ZSWIM7: variants seen among roughly 807,000 people sequenced by gnomAD.
The protein encoded by ZSWIM7 is zinc finger SWIM domain-containing protein 7.
In ZSWIM7, 22 loss-of-function variants were observed where a neutral mutation model predicts 21.1. The observed-to-expected ratio is 1.04, with a 90% confidence interval of 0.74 to 1.49. The LOEUF (loss-of-function observed/expected upper bound fraction) is 1.49, where lower values mean the gene tolerates loss of function less well. Ranked by LOEUF, ZSWIM7 falls within the 40% of genes most tolerant of loss-of-function variation. The pLI is 0.00. For synonymous variants in ZSWIM7, 67 were observed against 66.5 expected, an observed-to-expected ratio of 1.01 and a Z score of -0.04; for missense variants, 193 against 168.0, an observed-to-expected ratio of 1.15 and a Z score of -0.82.
intron 1 of ZSWIM7, among the ~76,000 whole-genome samples, chr17:15,998,402 A>C (rs1970593924): frequency 6.6e-6 from 1 of 152,246 alleles, no homozygotes; most frequent in Admixed American, 6.5e-5. Context: ...CCTTAAAAAC[A>C]GTAACTCAAG....
intron 4 of ZSWIM7, among the ~76,000 whole-genome samples, chr17:15,978,436 A>G (rs1970305749): frequency 6.6e-6 from 1 of 152,132 alleles, no homozygotes; most frequent in South Asian, 2.1e-4. Context: ...TGTCTCCACT[A>G]AAAATACAAA....
Position 15,987,265 on chromosome 17 carries a change from C to CCTGGTAAACACGCCTTCCA in ZSWIM7, c.183_201dup (p.Val68TrpfsTer13), listed in dbSNP as rs748113211. On this transcript the variant is annotated frameshift_variant and splice_region_variant. Coordinates refer to ENST00000399277, the MANE Select transcript of ZSWIM7 (RefSeq NM_001042697.2). LOFTEE classifies it high-confidence loss of function. ...GATCACCCCCATCTCTAGACTTCTACCTGGTAAACACGCCTTCCACTGGGT... is the reference window on the plus strand; with the variant it reads ...GATCACCCCCATCTCTAGACTTCTACCTGGTAAACACGCCTTCCACTGGTAAACACGCCTTCCACTGGGT... The CCTGGTAAACACGCCTTCCA allele has an allele frequency of 6.2e-7, 1 of 1,611,394 alleles. No individual in the cohort carries two copies. Among genetic ancestry groups the CCTGGTAAACACGCCTTCCA allele is most frequent in the Non-Finnish European group, 8.5e-7 (1 of 1,178,870 alleles).
rs376248219 is a variant in ZSWIM7 at position 15,977,708 on chromosome 17, G to C, written c.*339C>G. 1 of 153,250 alleles carries C rather than the reference G, an allele frequency of 6.5e-6. No individual in the cohort carries two copies. Among genetic ancestry groups the C allele is most frequent in the African/African-American group, 2.5e-5 (1 of 39,994 alleles). 9.5% of individuals were successfully genotyped at this position (153,250 alleles called of 1,614,324 possible). On this transcript the variant is annotated 3_prime_UTR_variant, in exon 5 of 5. Coordinates refer to ENST00000399277, the MANE Select transcript of ZSWIM7 (RefSeq NM_001042697.2). ...GACAAAGTGAGACTCCATCTCAAAA[G>C]AAAAAAAAAAAGACTAAATAATGTG... is the stretch of plus-strand genomic sequence containing the variant.
intron 2 of ZSWIM7, among the ~76,000 whole-genome samples, chr17:15,992,262 G>A (rs193114856): frequency 2.0e-5 from 3 of 152,200 alleles, no homozygotes; most frequent in Admixed American, 6.5e-5. Context: ...CAGTAATTAA[G>A]TATTACTTAT....
Position 15,981,064 on chromosome 17 carries a change from C to T in ZSWIM7, c.282G>A (p.Val94=). 1 of 1,613,790 alleles carries T rather than the reference C, an allele frequency of 6.2e-7. No homozygotes were observed. ...YCSCPAFAFS[V]LRKSDSILCK... is the part of the protein sequence containing the mutation. ...CCAGGATGCTGTCACTCTTCCGTAGCACTGAGAATGCAAATGCAGGACATG... is the reference window on the plus strand; with the variant it reads ...CCAGGATGCTGTCACTCTTCCGTAGTACTGAGAATGCAAATGCAGGACATG... Residue 94 remains valine, a synonymous_variant, in exon 4 of 5, where the codon GTG becomes GTA. Transcript: ENST00000399277.
chr17:15,986,394 T>C (rs1386490004), intron 3 of ZSWIM7, among the ~76,000 whole-genome samples: 16 of 152,198 alleles, frequency 1.1e-4, no homozygotes, highest in Admixed American at 9.8e-4. Context: ...AGTGAAACTA[T>C]GCTAAGTGAA....
At chr17:15,994,243 G>A (rs1197104925) in intron 1 of ZSWIM7, among the ~76,000 whole-genome samples, 3 of 152,200 alleles carry the variant, frequency 2.0e-5, no homozygotes, top group Non-Finnish European at 2.9e-5. Flanking sequence ...ATGAGCCACC[G>A]TGCCCGGCCA....
chr17:15,998,358 A>T (rs140875980), intron 1 of ZSWIM7, among the ~76,000 whole-genome samples: 211 of 152,308 alleles, frequency 1.4e-3, no homozygotes, highest in African/African-American at 4.8e-3. Context: ...TTTGACTGAG[A>T]TGAGGAAACA....
chr17:15,984,405 T>A (rs894460633), intron 3 of ZSWIM7, among the ~76,000 whole-genome samples: 4 of 152,196 alleles, frequency 2.6e-5, no homozygotes, highest in African/African-American at 9.7e-5. Flanking sequence ...GGAATGTTTA[T>A]CCCCAGAAGG....
intron 4 of ZSWIM7, among the ~76,000 whole-genome samples, chr17:15,979,315 AG>A (rs1421876960): frequency 6.6e-6 from 1 of 152,072 alleles, no homozygotes; most frequent in East Asian, 1.9e-4. Context: ...GTAAGGTCAC[AG>A]ATCAACAGGA....
intron 3 of ZSWIM7, 68 bp from the exon 4 acceptor site, chr17:15,981,212 T>C (rs1300220140): frequency 3.4e-6 from 4 of 1,170,600 alleles, no homozygotes; most frequent in South Asian, 2.7e-5. Context: ...TCCCTTTTTA[T>C]TTATGTAGAC....
intron 4 of ZSWIM7, among the ~76,000 whole-genome samples, chr17:15,979,425 T>A (rs1970319200): frequency 6.6e-6 from 1 of 152,234 alleles, no homozygotes; most frequent in Admixed American, 6.5e-5. Context: ...AATTTCTCAA[T>A]CTTTTCCCTA....
Position 15,995,115 on chromosome 17 carries a change from TAAG to T in ZSWIM7, c.77-1340_77-1338del, listed in dbSNP as rs200044299. ...GCACAAAAACAGGCAGAAGGCATAATAAGAAGAAAAAGGGAATCTTCTGAAAAA... is the reference window on the plus strand; with the variant it reads ...GCACAAAAACAGGCAGAAGGCATAATAAGAAAAAGGGAATCTTCTGAAAAA... On this transcript the variant is annotated intron_variant, in intron 1 of 4. Coordinates refer to ENST00000399277, the MANE Select transcript of ZSWIM7 (RefSeq NM_001042697.2). 9.3e-3 allele frequency among the ~76,000 whole-genome samples: 1,421 copies of T among 152,142 alleles called. 27 individuals are homozygous for T. Among genetic ancestry groups the T allele is most frequent in the African/African-American group, 0.032 (1,332 of 41,508 alleles).
chr17:15,982,119 G>A (rs1970362776), intron 3 of ZSWIM7, among the ~76,000 whole-genome samples: 1 of 152,258 alleles, frequency 6.6e-6, no homozygotes, highest in East Asian at 1.9e-4. Context: ...TACATAGTGG[G>A]TTGATAAGAG....
chr17:15,988,133 A>G (rs1296724330), intron 2 of ZSWIM7, among the ~76,000 whole-genome samples: 1 of 152,182 alleles, frequency 6.6e-6, no homozygotes, highest in Non-Finnish European at 1.5e-5. Context: ...ATGCATATAC[A>G]TATATAGTAT....
At chr17:15,994,684 C>T (rs1341825707) in intron 1 of ZSWIM7, among the ~76,000 whole-genome samples, 1 of 152,140 alleles carries the variant, frequency 6.6e-6, no homozygotes, top group Non-Finnish European at 1.5e-5. Context: ...GGGTGTCACA[C>T]TGAAAACAGG....
chr17:15,980,007 C>A (rs1251577169), intron 4 of ZSWIM7, among the ~76,000 whole-genome samples: 2 of 147,794 alleles, frequency 1.4e-5, no homozygotes, highest in African/African-American at 5.0e-5. Flanking sequence ...CCTCATCTCC[C>A]GGACGAGGCG....
At chr17:15,998,251 C>T (rs552593819) in intron 1 of ZSWIM7, among the ~76,000 whole-genome samples, 91 of 152,296 alleles carry the variant, frequency 6.0e-4, no homozygotes, top group African/African-American at 2.1e-3. Flanking sequence ...TATAAGCTAA[C>T]ATCAGTTGGC....
chr17:15,982,821 T>A (rs559039668), intron 3 of ZSWIM7, among the ~76,000 whole-genome samples: 24 of 152,164 alleles, frequency 1.6e-4, no homozygotes, highest in Admixed American at 5.9e-4. Flanking sequence ...ATGCTAATTT[T>A]AAAATTTTTT....
Sources: allele counts gnomAD v4.1 joint callset (sites outside exome capture counted in the v4.1 genomes callset), GRCh38; gene constraint gnomAD v4.1.1; transcripts MANE v1.5; gene names NCBI Gene and HGNC (gene_info 2026-07-23, HGNC 2026-07-21).